Variants in CAMK1D observed in about 807,000 individuals in gnomAD.
CAMK1D encodes calcium/calmodulin dependent protein kinase ID.
CAMK1D carries 9 observed loss-of-function variants against 47.7 expected under a neutral mutation model. That is an observed-to-expected ratio of 0.19 (90% confidence interval 0.11 to 0.33). The LOEUF (loss-of-function observed/expected upper bound fraction) is 0.33. Among genes scored for constraint, CAMK1D ranks in the 10% least tolerant of loss-of-function variants. The pLI, the probability that CAMK1D is intolerant of heterozygous loss-of-function variation, is 1.00. For missense variants in CAMK1D, 291 were observed against 488.7 expected (o/e 0.60, Z 3.81); for synonymous variants, 184 against 184.9 (o/e 0.99, Z 0.04).
intron 6 of CAMK1D, among the ~76,000 whole-genome samples, chr10:12,813,535 CTGTT>C: frequency 6.6e-6 from 1 of 152,204 alleles, no homozygotes; most frequent in Non-Finnish European, 1.5e-5. Flanking sequence ...AGAAGGCTGT[CTGTT>C]AGGTTTTTAG....
At chr10:12,748,769 G>C (rs1384053818) in intron 3 of CAMK1D, among the ~76,000 whole-genome samples, 1 of 152,162 alleles carries the variant, frequency 6.6e-6, no homozygotes, top group Non-Finnish European at 1.5e-5. Context: ...GCCAGTTGTG[G>C]TGGTGCACAC....
chr10:12,488,245 CCA>C (rs532847519), intron 1 of CAMK1D, among the ~76,000 whole-genome samples: 25 of 152,158 alleles, frequency 1.6e-4, no homozygotes, highest in African/African-American at 6.0e-4. Flanking sequence ...AGGTGGGTGC[CCA>C]AATCCCAGAT....
At chr10:12,505,647 A>G (rs1834847122) in intron 1 of CAMK1D, among the ~76,000 whole-genome samples, 2 of 152,216 alleles carry the variant, frequency 1.3e-5, no homozygotes, top group South Asian at 4.1e-4. Context: ...ACAACAAAGA[A>G]TACATAATAT....
At chr10:12,434,541 C>A (rs900032835) in intron 1 of CAMK1D, among the ~76,000 whole-genome samples, 1 of 152,180 alleles carries the variant, frequency 6.6e-6, no homozygotes, top group African/African-American at 2.4e-5. Context: ...GCTGTGAGCT[C>A]TCTCATTACT....
intron 1 of CAMK1D, among the ~76,000 whole-genome samples, chr10:12,551,032 A>G (rs749023849): frequency 9.2e-5 from 14 of 152,194 alleles, no homozygotes; most frequent in Admixed American, 2.6e-4. Context: ...CCTGTTCAGG[A>G]ATCTCTTTGA....
chr10:12,403,476 A>C (rs1041312997), intron 1 of CAMK1D, among the ~76,000 whole-genome samples: 1 of 152,216 alleles, frequency 6.6e-6, no homozygotes, highest in Non-Finnish European at 1.5e-5. Flanking sequence ...TTCTTAGCTC[A>C]GTTTCCAGAA....
At chr10:12,370,260 T>C (rs1166111673) in intron 1 of CAMK1D, among the ~76,000 whole-genome samples, 1 of 152,176 alleles carries the variant, frequency 6.6e-6, no homozygotes, top group African/African-American at 2.4e-5. Flanking sequence ...AACAGACCTG[T>C]TACACTGCCA....
intron 5 of CAMK1D, among the ~76,000 whole-genome samples, chr10:12,780,830 G>A (rs1837460138): frequency 6.6e-6 from 1 of 152,224 alleles, no homozygotes; most frequent in Admixed American, 6.5e-5. Context: ...ACATCCAGAT[G>A]AGAGTTTTCT....
chr10:12,699,030 G>C (rs536588243), intron 3 of CAMK1D, among the ~76,000 whole-genome samples: 7 of 152,062 alleles, frequency 4.6e-5, no homozygotes, highest in African/African-American at 1.4e-4. Context: ...CCAAATCAGA[G>C]CTGTAAGGGG....
At chr10:12,702,936 C>T (rs1470357667) in intron 3 of CAMK1D, among the ~76,000 whole-genome samples, 1 of 152,180 alleles carries the variant, frequency 6.6e-6, no homozygotes, top group Non-Finnish European at 1.5e-5. Flanking sequence ...GATTATAATG[C>T]CAGTAACTGG....
chr10:12,373,400 C>G (rs558292989), intron 1 of CAMK1D, among the ~76,000 whole-genome samples: 1 of 151,140 alleles, frequency 6.6e-6, no homozygotes, highest in Non-Finnish European at 1.5e-5. Context: ...GGGAAGCCAA[C>G]GCGGGTGGGT....
intron 1 of CAMK1D, among the ~76,000 whole-genome samples, chr10:12,474,293 G>C (rs1029159528): frequency 1.3e-5 from 2 of 151,058 alleles, no homozygotes; most frequent in Non-Finnish European, 2.9e-5. Flanking sequence ...CCGCCTCCTG[G>C]GTTCACACCA....
At chr10:12,485,614 T>C (rs995460249) in intron 1 of CAMK1D, among the ~76,000 whole-genome samples, 2 of 152,080 alleles carry the variant, frequency 1.3e-5, no homozygotes, top group African/African-American at 2.4e-5. Flanking sequence ...GGGGCTTCGA[T>C]TGTGACTACC....
intron 8 of CAMK1D, among the ~76,000 whole-genome samples, chr10:12,819,435 GCC>G (rs1258904909): frequency 1.3e-5 from 2 of 152,212 alleles, no homozygotes; most frequent in Non-Finnish European, 2.9e-5. Flanking sequence ...CAGGGGCCTG[GCC>G]TGGCCTGCTC....
chr10:12,801,371 TATCTATCTATCTATCTATCTATCC>T (rs1838464674), intron 6 of CAMK1D, among the ~76,000 whole-genome samples: 12 of 142,066 alleles, frequency 8.4e-5, no homozygotes, highest in African/African-American at 2.4e-4. Flanking sequence ...TCTATCTATC[TATCTATCTATCTATCTATCTATCC>T]ATCCATCTGT....
intron 1 of CAMK1D, among the ~76,000 whole-genome samples, chr10:12,431,685 A>G (rs190500102): frequency 9.2e-4 from 140 of 152,266 alleles, no homozygotes; most frequent in Non-Finnish European, 1.8e-3. Context: ...TCCCTGCTTT[A>G]ATAAAGCCTC....
intron 3 of CAMK1D, among the ~76,000 whole-genome samples, chr10:12,746,120 A>G (rs947533394): frequency 1.3e-5 from 2 of 151,668 alleles, no homozygotes; most frequent in Non-Finnish European, 2.9e-5. Flanking sequence ...GCTATTAAAA[A>G]GTTACTGACG....
intron 2 of CAMK1D, among the ~76,000 whole-genome samples, chr10:12,597,636 G>A (rs1446074870): frequency 6.6e-6 from 1 of 152,160 alleles, no homozygotes; most frequent in Non-Finnish European, 1.5e-5. Flanking sequence ...GTTGTGGGGA[G>A]CCGGTTCCTT....
chr10:12,449,563 A>T (rs895443744), intron 1 of CAMK1D, among the ~76,000 whole-genome samples: 1 of 149,886 alleles, frequency 6.7e-6, no homozygotes, highest in Non-Finnish European at 1.5e-5. Flanking sequence ...TCATTTTATG[A>T]TGTATACATA....
Sources: allele counts gnomAD v4.1 joint callset (sites outside exome capture counted in the v4.1 genomes callset), GRCh38; gene constraint gnomAD v4.1.1; transcripts MANE v1.5; gene names NCBI Gene and HGNC (gene_info 2026-07-23, HGNC 2026-07-21).